MAP4: variants seen among roughly 807,000 people sequenced by gnomAD.
The protein encoded by MAP4 is microtubule-associated protein 4.
In MAP4, 76 loss-of-function variants were observed where a neutral mutation model predicts 170.2. The observed-to-expected ratio is 0.45, with a 90% CI of 0.37 to 0.54. The LOEUF (loss-of-function observed/expected upper bound fraction) is 0.54. Ranked by LOEUF, MAP4 falls within the 20% of genes least tolerant of loss-of-function variation. The pLI is 0.00. For synonymous variants in MAP4, 909 were observed against 994.5 expected (o/e 0.91, Z 1.62); for missense variants, 2,506 against 2,748.0 (o/e 0.91, Z 1.97).
chr3:48,025,228 T>C (rs760363909), intron 1 of MAP4, among the ~76,000 whole-genome samples: 5 of 152,038 alleles, frequency 3.3e-5, no homozygotes, highest in Non-Finnish European at 7.4e-5. Context: ...CTTGACTTAA[T>C]AGTAAATGAC....
chr3:48,022,807 C>T (rs1443189532), intron 1 of MAP4, among the ~76,000 whole-genome samples: 1 of 152,154 alleles, frequency 6.6e-6, no homozygotes, highest in East Asian at 1.9e-4. Flanking sequence ...AGAAGAATCA[C>T]TTGAACCCGG....
chr3:47,913,577 T>C (rs184355622), intron 8 of MAP4, among the ~76,000 whole-genome samples: 2 of 152,308 alleles, frequency 1.3e-5, no homozygotes, highest in African/African-American at 4.8e-5. Context: ...GGTTATAATA[T>C]AATAATTCAG....
intron 10 of MAP4, chr3:47,891,336 T>A (rs1316616830): frequency 2.6e-6 from 4 of 1,536,186 alleles, no homozygotes; most frequent in Non-Finnish European, 2.6e-6. Flanking sequence ...TCCTCACAGA[T>A]GAAAGGAGGT....
rs2100035827 is a variant in MAP4 at position 47,911,254 on chromosome 3, G to A, written c.3167C>T (p.Ala1056Val). The change falls in exon 9 of 21, where the codon GCA becomes GTA. Residue 1056 changes from alanine to valine, a missense_variant. Physicochemically the swap from Ala to Val is moderately conservative, Grantham distance 64. This residue lies in a region of MAP4 where 2,008 missense variants were observed against 2,206.0 expected (regional missense o/e 0.91). Coordinates refer to ENST00000683076, the MANE Select transcript of MAP4 (RefSeq NM_001385682.1). The surrounding 1 kb of genome is among the most constrained non-coding windows in gnomAD (Gnocchi z 4.0). ...TCCCTTCCTGCTTTTGCCATCACCT[G>A]CCATTCTCTTAAATGGTTCATTCTC... The part of the protein sequence containing the change: ...GVENEPFKRM[A>V]GDGKSRKGRG... 1.3e-6 allele frequency: 2 copies of A among 1,535,908 alleles called. No homozygotes were observed. Among genetic ancestry groups the A allele is most frequent in the African/African-American group, 1.4e-5 (1 of 72,998 alleles).
At chr3:48,038,975 G>A (rs1348649538) in intron 1 of MAP4, among the ~76,000 whole-genome samples, 4 of 152,112 alleles carry the variant, frequency 2.6e-5, no homozygotes, top group African/African-American at 4.8e-5. Flanking sequence ...GGTGATGCAC[G>A]CCTATAGTCC....
At chr3:47,891,557 GC>G (rs1221472227) in intron 10 of MAP4, 2 of 1,529,748 alleles carry the variant, frequency 1.3e-6, no homozygotes, top group Non-Finnish European at 1.7e-6. Context: ...AAGGTTGACA[GC>G]TGGGGGAACT....
chr3:47,973,434 A>G (rs775970466), intron 3 of MAP4: 49 of 985,050 alleles, frequency 5.0e-5, no homozygotes, highest in South Asian at 9.4e-5. Context: ...GTATAAAACT[A>G]TATGTGAAAC....
intron 3 of MAP4, among the ~76,000 whole-genome samples, chr3:47,954,643 A>G (rs540793334): frequency 6.6e-6 from 1 of 152,354 alleles, no homozygotes; most frequent in South Asian, 2.1e-4. Context: ...CATTTACTAG[A>G]GTGACTACGG....
intron 10 of MAP4, among the ~76,000 whole-genome samples, chr3:47,884,515 C>G (rs976342097): frequency 6.6e-6 from 1 of 152,138 alleles, no homozygotes; most frequent in African/African-American, 2.4e-5. Context: ...GTTCTGATGA[C>G]AATTTGGTTC....
chr3:47,890,252 G>A (rs1188433583), intron 10 of MAP4, among the ~76,000 whole-genome samples: 2 of 152,190 alleles, frequency 1.3e-5, no homozygotes, highest in East Asian at 1.9e-4. Flanking sequence ...GAAAGGGCCA[G>A]GAAGAAAGAC....
intron 1 of MAP4, among the ~76,000 whole-genome samples, chr3:48,037,642 A>C (rs1213932800): frequency 1.3e-5 from 2 of 152,038 alleles, no homozygotes; most frequent in Non-Finnish European, 2.9e-5. Context: ...CGATCCTGTC[A>C]CCTTGGCCTC....
intron 4 of MAP4, among the ~76,000 whole-genome samples, chr3:47,925,848 G>C (rs1180207817): frequency 1.3e-5 from 2 of 152,142 alleles, no homozygotes; most frequent in African/African-American, 4.8e-5. Context: ...TAAGTAGATA[G>C]AGTACAATTC....
intron 3 of MAP4, among the ~76,000 whole-genome samples, chr3:47,957,254 G>T (rs1459959779): frequency 6.6e-6 from 1 of 152,130 alleles, no homozygotes; most frequent in African/African-American, 2.4e-5. Context: ...TGAAACCTCT[G>T]CCTTCTGGGT....
chr3:47,954,595 T>C (rs1257941093), intron 3 of MAP4, among the ~76,000 whole-genome samples: 2 of 152,214 alleles, frequency 1.3e-5, no homozygotes, highest in Non-Finnish European at 2.9e-5. Context: ...CAAGTACAAG[T>C]ACATACTGTA....
intron 1 of MAP4, among the ~76,000 whole-genome samples, chr3:48,003,259 C>T (rs1010053287): frequency 6.6e-6 from 1 of 151,864 alleles, no homozygotes; most frequent in African/African-American, 2.4e-5. Flanking sequence ...TCGAGACCAT[C>T]CTGGTTAACA....
At chr3:48,029,341 C>T (rs984841009) in intron 1 of MAP4, among the ~76,000 whole-genome samples, 18 of 151,992 alleles carry the variant, frequency 1.2e-4, no homozygotes, top group African/African-American at 4.1e-4. Context: ...GGGAGGCTGG[C>T]ATGAGAATGC....
chr3:47,899,945 A>G (rs1230082478), intron 10 of MAP4, among the ~76,000 whole-genome samples: 2 of 152,150 alleles, frequency 1.3e-5, no homozygotes, highest in Non-Finnish European at 2.9e-5. Flanking sequence ...GTACTGGCAG[A>G]TATTTCTGTT....
In MAP4 at chr3:47,912,023, G is replaced by A; in HGVS notation, c.2398C>T (p.His800Tyr). 1 of 1,536,124 alleles carries A rather than the reference G, an allele frequency of 6.5e-7. No homozygotes were observed. The highest frequency in any genetic ancestry group is 8.7e-7 in the Non-Finnish European group (1 of 1,146,910). Residue 800 changes from histidine (H) to tyrosine (Y), a missense_variant, in exon 9 of 21, where the codon CAT becomes TAT. Coordinates refer to ENST00000683076, the MANE Select transcript of MAP4 (RefSeq NM_001385682.1). ...DDDNADKPKG[H>Y]PFAADTQKSG... ...TTTTGTGTGTCAGCTGCAAATGGATGACCTTTAGGCTTATCTGCATTGTCA... is the reference window on the plus strand; with the variant it reads ...TTTTGTGTGTCAGCTGCAAATGGATAACCTTTAGGCTTATCTGCATTGTCA...
intron 1 of MAP4, among the ~76,000 whole-genome samples, chr3:48,011,990 G>T (rs1014950245): frequency 2.6e-5 from 4 of 152,124 alleles, no homozygotes; most frequent in African/African-American, 9.7e-5. Flanking sequence ...AAACTGTCCT[G>T]GGTAAATCCT....
Sources: gnomAD v4.1 joint callset for allele counts (sites outside exome capture counted in the v4.1 genomes callset) on GRCh38, gnomAD v4.1.1 for gene constraint, gnomAD v4.1.1 regional missense constraint, Gnocchi (gnomAD v3.1) non-coding constraint, MANE v1.5 for transcripts, NCBI Gene and HGNC (gene_info 2026-07-23, HGNC 2026-07-21) for gene names.